ARHGEF10L: variants seen among roughly 807,000 people sequenced by gnomAD.
ARHGEF10L encodes the protein Rho guanine nucleotide exchange factor 10 like.
A neutral mutation model predicts 141.2 loss-of-function variants in ARHGEF10L; 69 were observed. That is an observed-to-expected ratio of 0.49 (90% CI 0.40 to 0.60). ARHGEF10L has a LOEUF of 0.60. Ranked by LOEUF, ARHGEF10L falls within the 20% of genes least tolerant of loss-of-function variation. The pLI is 0.00. For synonymous variants in ARHGEF10L, 711 were observed against 718.5 expected (o/e 0.99, Z 0.17); for missense variants, 1,482 against 1,734.3 (o/e 0.85, Z 2.58).
chr1:17,528,525 A>G, the ARHGEF10L span, among the ~76,000 whole-genome samples: 1 of 151,822 alleles, frequency 6.6e-6, no homozygotes, highest in Non-Finnish European at 1.5e-5. Flanking sequence ...TTTGGTTTTC[A>G]GTTGTATTCA....
rs1385172669 is a variant in ARHGEF10L, at chr1:17,627,811, A to C, written c.1584+308A>C. On this transcript the variant is annotated intron_variant, in intron 15 of 28. Transcript: ENST00000361221. This position sits in a 1 kb window ranked among gnomAD's most constrained non-coding sequence, Gnocchi z 4.0. ...AGTCAGAATCTGGGTTTAGATCCAG[A>C]TTTTGCCATAGGTGCTTGCTGTGTG... 1.3e-5 allele frequency among the ~76,000 whole-genome samples: 2 copies of C among 152,148 alleles called. No individual in the cohort carries two copies. The highest frequency in any genetic ancestry group is 2.9e-5 in the Non-Finnish European group (2 of 68,030).
At chr1:17,578,945 T>C (rs2078345106) in intron 1 of ARHGEF10L, among the ~76,000 whole-genome samples, 1 of 152,198 alleles carries the variant, frequency 6.6e-6, no homozygotes, top group Non-Finnish European at 1.5e-5. Context: ...GGAAGGATTC[T>C]TGAGAAGTCA....
At chr1:17,530,285 T>C in the ARHGEF10L span, among the ~76,000 whole-genome samples, 2 of 152,324 alleles carry the variant, frequency 1.3e-5, no homozygotes, top group East Asian at 3.9e-4. Context: ...ACAGTGGTTC[T>C]GGAACCAGAG....
chr1:17,597,816 A>G (rs1461300687), intron 4 of ARHGEF10L, among the ~76,000 whole-genome samples: 3 of 152,208 alleles, frequency 2.0e-5, no homozygotes, highest in Non-Finnish European at 4.4e-5. Context: ...GATAAGGTGC[A>G]GCGAGGAGGA....
chr1:17,658,678 C>A (rs948960688), intron 25 of ARHGEF10L, among the ~76,000 whole-genome samples: 1 of 152,078 alleles, frequency 6.6e-6, no homozygotes, highest in South Asian at 2.1e-4. Flanking sequence ...ATGGACAGGC[C>A]GCCTGCTCTC....
intron 1 of ARHGEF10L, among the ~76,000 whole-genome samples, chr1:17,554,588 T>C (rs1437415551): frequency 1.4e-5 from 2 of 144,484 alleles, no homozygotes; most frequent in African/African-American, 2.6e-5. Context: ...CCTTCCTTTT[T>C]TTTTTTTTTT....
intron 1 of ARHGEF10L, among the ~76,000 whole-genome samples, chr1:17,544,443 C>T (rs1057202933): frequency 6.6e-6 from 1 of 150,936 alleles, no homozygotes; most frequent in South Asian, 2.1e-4. Context: ...TACAGGCGTG[C>T]ACCACTACTC....
At chr1:17,526,921 AAAAGAC>A in the ARHGEF10L span, among the ~76,000 whole-genome samples, 1 of 152,094 alleles carries the variant, frequency 6.6e-6, no homozygotes, top group South Asian at 2.1e-4. Context: ...AAAAAAAAAA[AAAAGAC>A]AAGGCTCAGG....
chr1:17,532,567 G>A, the ARHGEF10L span, among the ~76,000 whole-genome samples: 6 of 151,328 alleles, frequency 4.0e-5, no homozygotes, highest in Admixed American at 1.3e-4. Context: ...CTGTGCTAAG[G>A]CTTTGTCCTT....
intron 25 of ARHGEF10L, among the ~76,000 whole-genome samples, chr1:17,663,395 T>C (rs2062757190): frequency 6.6e-6 from 1 of 151,750 alleles, no homozygotes; most frequent in Non-Finnish European, 1.5e-5. Context: ...CTACTAAAAA[T>C]ACAAAAAATT....
At chr1:17,650,135 C>T (rs904985515) in intron 22 of ARHGEF10L, among the ~76,000 whole-genome samples, 31 of 152,268 alleles carry the variant, frequency 2.0e-4, no homozygotes, top group African/African-American at 6.5e-4. Flanking sequence ...CGGGACTGAG[C>T]GTGGTGGCTC....
intron 9 of ARHGEF10L, among the ~76,000 whole-genome samples, chr1:17,617,825 G>A (rs1397181041): frequency 6.6e-6 from 1 of 152,190 alleles, no homozygotes; most frequent in Non-Finnish European, 1.5e-5. Flanking sequence ...TGTAGCAGAC[G>A]TTATTCTTGG....
chr1:17,696,763 A>T (rs2065533982), intron 28 of ARHGEF10L, 85 bp from the exon 29 acceptor site: 4 of 1,297,824 alleles, frequency 3.1e-6, no homozygotes, highest in African/African-American at 1.5e-5. Flanking sequence ...ACCCACCCAG[A>T]ATGTTCTCCA....
At chr1:17,668,355 C>T (rs34304724) in intron 26 of ARHGEF10L, among the ~76,000 whole-genome samples, 18,461 of 152,220 alleles carry the variant, frequency 0.12, 1,352 homozygotes, top group Non-Finnish European at 0.16. Flanking sequence ...GAGCATGGGA[C>T]GGATGGCCAA....
At position 17,607,147 on chromosome 1, in the gene ARHGEF10L, C is replaced by T. The variant is rs551499468; in HGVS notation, c.434-655C>T. ...GAGGGCCTGAGCCAGGACTTGGCTC[C>T]GGGTCTTCTCTTTTCCAGTAAGAAA... On this transcript the variant is annotated intron_variant, in intron 6 of 28. Coordinates refer to ENST00000361221, the MANE Select transcript of ARHGEF10L (RefSeq NM_018125.4). The surrounding 1 kb of genome is among the most constrained non-coding windows in gnomAD (Gnocchi z 4.5). Among the ~76,000 whole-genome samples the T allele has an allele frequency of 2.4e-4, 36 of 152,248 alleles. No individual in the cohort carries two copies. The South Asian group carries it at 5.0e-3, about 21-fold the overall frequency.
intron 28 of ARHGEF10L, among the ~76,000 whole-genome samples, chr1:17,695,980 T>G (rs1415258993): frequency 6.6e-6 from 1 of 151,992 alleles, no homozygotes; most frequent in Non-Finnish European, 1.5e-5. Context: ...GTGGATTGCC[T>G]GAGCTCAGGA....
rs760255422 is a variant in ARHGEF10L, at chr1:17,626,003, G to A, written c.1365G>A (p.Met455Ile). 6.2e-7 allele frequency: 1 copy of A among 1,613,842 alleles called. No individual in the cohort carries two copies. The highest frequency in any genetic ancestry group is 8.5e-7 in the Non-Finnish European group (1 of 1,179,902). Residue 455 changes from methionine to isoleucine, a missense_variant, in exon 14 of 29, where the codon ATG becomes ATA. By Grantham distance (10) the Met-to-Ile change is conservative. Transcript: ENST00000361221. ...SPDRVTLYGL[M>I]VKPIQRFPQF... is the part of the protein sequence containing the mutation. ...ACCGTGTCACCCTCTACGGGCTGAT[G>A]GTCAAGCCCATCCAGAGGTTCCCAC... is the stretch of plus-strand genomic sequence containing the variant.
rs1334689017 is a variant in ARHGEF10L, at chr1:17,664,455, C to T, written c.2869C>T (p.Leu957=). 1 of 1,603,612 alleles carries T rather than the reference C, an allele frequency of 6.2e-7. No homozygotes were observed. The highest frequency in any genetic ancestry group is 8.5e-7 in the Non-Finnish European group (1 of 1,179,612). Residue 957 remains leucine, a synonymous_variant, in exon 26 of 29, where the codon CTG becomes TTG. Transcript: ENST00000361221. Reference sequence around the variant, plus strand: ...CCCCTCTCTCCCTGCAGGAGGTGTCCTGTGGGACCTGGAGAGCCCTCCCGT... The same window carrying T: ...CCCCTCTCTCCCTGCAGGAGGTGTCTTGTGGGACCTGGAGAGCCCTCCCGT... ...AAYPRTSGGV[L]WDLESPPVCL...
chr1:17,514,955 T>C, the ARHGEF10L span, among the ~76,000 whole-genome samples: 1 of 152,198 alleles, frequency 6.6e-6, no homozygotes, highest in Non-Finnish European at 1.5e-5. Context: ...TCCGGCCCCT[T>C]GAGGGAGCGA....
Sources: allele counts gnomAD v4.1 joint callset (sites outside exome capture counted in the v4.1 genomes callset), GRCh38; gene constraint gnomAD v4.1.1; non-coding constraint Gnocchi (gnomAD v3.1); transcripts MANE v1.5; gene names NCBI Gene and HGNC (gene_info 2026-07-23, HGNC 2026-07-21).